Variants in CA10 observed in about 807,000 individuals in gnomAD.
The protein encoded by CA10 is carbonic anhydrase-related protein 10.
A neutral mutation model predicts 44.2 loss-of-function variants in CA10; 14 were observed. The ratio of observed to expected loss-of-function variants is 0.32; its 90% CI spans 0.21 to 0.50. The LOEUF is 0.50. Ranked by LOEUF, CA10 falls within the 20% of genes least tolerant of loss-of-function variation. The pLI, the probability that CA10 is intolerant of heterozygous loss-of-function variation, is 0.99. For synonymous variants in CA10, 159 were observed against 141.6 expected (o/e 1.12, Z -0.87); for missense variants, 350 against 409.7 (o/e 0.85, Z 1.26).
At chr17:52,097,005 T>C (rs1988418111) in intron 1 of CA10, among the ~76,000 whole-genome samples, 1 of 152,208 alleles carries the variant, frequency 6.6e-6, no homozygotes, top group African/African-American at 2.4e-5. Flanking sequence ...TGCTTACAAA[T>C]AAATAGCTGG....
In CA10 at chr17:51,954,559, G is replaced by A. The variant is rs1501269; in HGVS notation, c.137-23427C>T. Among the ~76,000 whole-genome samples the A allele has an allele frequency of 5.7e-3, 861 of 152,206 alleles. 6 individuals are homozygous for A. The highest frequency in any genetic ancestry group is 0.02 in the African/African-American group (817 of 41,526). ...ATAAATAAAAAAGCTAAGGCACTACGTCCTAGAGCTAGTAAAAAAAACCAG... is the reference window on the plus strand; with the variant it reads ...ATAAATAAAAAAGCTAAGGCACTACATCCTAGAGCTAGTAAAAAAAACCAG... On this transcript the variant is annotated intron_variant, in intron 2 of 8. Transcript: ENST00000451037.
intron 3 of CA10, among the ~76,000 whole-genome samples, chr17:51,767,119 C>T (rs986853498): frequency 6.6e-6 from 1 of 152,176 alleles, no homozygotes; most frequent in Non-Finnish European, 1.5e-5. Flanking sequence ...TAAATGTTCT[C>T]TCATTTGATC....
At chr17:51,799,373 G>C (rs2143713911) in intron 3 of CA10, among the ~76,000 whole-genome samples, 1 of 152,226 alleles carries the variant, frequency 6.6e-6, no homozygotes, top group Admixed American at 6.5e-5. Flanking sequence ...AAGTCATCTA[G>C]GCAGCTCTGC....
chr17:51,840,306 G>A (rs553096650), intron 3 of CA10, among the ~76,000 whole-genome samples: 1 of 152,274 alleles, frequency 6.6e-6, no homozygotes, highest in African/African-American at 2.4e-5. Flanking sequence ...TGTTTTTACT[G>A]AGTTTGTTGC....
At chr17:51,946,304 A>C (rs1327067595) in intron 2 of CA10, among the ~76,000 whole-genome samples, 1 of 152,176 alleles carries the variant, frequency 6.6e-6, no homozygotes, top group Non-Finnish European at 1.5e-5. Context: ...AAGTGTTTTC[A>C]CCACAAAAAA....
At chr17:51,813,112 C>T (rs921165792) in intron 3 of CA10, among the ~76,000 whole-genome samples, 1 of 152,148 alleles carries the variant, frequency 6.6e-6, no homozygotes. Context: ...AAAAGAGGGT[C>T]ATAGATAACA....
At chr17:52,159,653 G>A (rs1254129042), upstream of CA10, 1 of 152,246 alleles carries the variant, frequency 6.6e-6, no homozygotes, top group Non-Finnish European at 1.5e-5. Context: ...CAGGGCCCCA[G>A]GGGAAAGTAG....
At chr17:51,669,680 T>A (rs1454496988) in intron 4 of CA10, among the ~76,000 whole-genome samples, 1 of 151,990 alleles carries the variant, frequency 6.6e-6, no homozygotes, top group Non-Finnish European at 1.5e-5. Flanking sequence ...TTAAGAACTG[T>A]AACACTCACT....
chr17:51,633,766 C>A, intron 7 of CA10, 116 bp from the exon 8 acceptor site: 1 of 1,096,040 alleles, frequency 9.1e-7, no homozygotes, highest in Non-Finnish European at 1.3e-6. Flanking sequence ...GAGGAAAGGG[C>A]TGTATAAGCC....
At chr17:52,135,988 CA>C (rs1193717062) in intron 1 of CA10, among the ~76,000 whole-genome samples, 18 of 152,160 alleles carry the variant, frequency 1.2e-4, no homozygotes, top group African/African-American at 4.3e-4. Context: ...TTGTTTCCTC[CA>C]ATAAGCTCTC....
chr17:51,797,544 C>T (rs1008924019), intron 3 of CA10, among the ~76,000 whole-genome samples: 2 of 152,056 alleles, frequency 1.3e-5, no homozygotes, highest in African/African-American at 4.8e-5. Context: ...AAGAGGTAAA[C>T]CCCTCCACTC....
intron 2 of CA10, among the ~76,000 whole-genome samples, chr17:51,963,592 G>C (rs1228533297): frequency 6.6e-6 from 1 of 152,192 alleles, no homozygotes; most frequent in African/African-American, 2.4e-5. Flanking sequence ...TGACAAGTCA[G>C]GAGAGGCTGG....
At chr17:52,132,852 G>A (rs999680623) in intron 1 of CA10, among the ~76,000 whole-genome samples, 52 of 152,248 alleles carry the variant, frequency 3.4e-4, no homozygotes, top group African/African-American at 1.3e-3. Context: ...TCCAGACACA[G>A]GTGACATCTC....
intron 4 of CA10, among the ~76,000 whole-genome samples, chr17:51,674,433 G>A (rs1249706144): frequency 6.6e-6 from 1 of 152,046 alleles, no homozygotes; most frequent in Non-Finnish European, 1.5e-5. Flanking sequence ...GTGTCGCTGT[G>A]GTCTGGATAA....
rs542218720 is a variant in CA10 at position 51,757,029 on chromosome 17, C to T, written c.280-9211G>A. Among the ~76,000 whole-genome samples the T allele has an allele frequency of 6.8e-4, 104 of 152,230 alleles. 2 individuals are homozygous for T. The highest frequency in any genetic ancestry group is 2.4e-3 in the African/African-American group (98 of 41,552). On this transcript the variant is annotated intron_variant, in intron 3 of 8. Transcript: ENST00000451037. ...AGGCCACTCAGTGAAGAAGATTCAA[C>T]GGCCGTGTCATGAATTAGGTGACCT...
intron 4 of CA10, among the ~76,000 whole-genome samples, chr17:51,694,801 T>A (rs1174638125): frequency 6.6e-6 from 1 of 152,202 alleles, no homozygotes; most frequent in East Asian, 1.9e-4. Context: ...TACATTTACA[T>A]CATTAATATA....
At chr17:52,098,096 C>G (rs1004146933) in intron 1 of CA10, among the ~76,000 whole-genome samples, 11 of 152,140 alleles carry the variant, frequency 7.2e-5, no homozygotes, top group African/African-American at 2.7e-4. Context: ...GTGCCCAGAA[C>G]TGCTGTTACA....
intron 4 of CA10, among the ~76,000 whole-genome samples, chr17:51,720,908 A>G (rs1032975067): frequency 2.6e-5 from 4 of 152,244 alleles, no homozygotes; most frequent in Admixed American, 2.0e-4. Flanking sequence ...CATTCTCACC[A>G]TAAAAAAATG....
chr17:51,743,796 C>T, intron 4 of CA10, among the ~76,000 whole-genome samples: 1 of 152,188 alleles, frequency 6.6e-6, no homozygotes. Context: ...CTTGGGTCCT[C>T]TCAAAGGATA....
Sources: gnomAD v4.1 joint callset for allele counts (sites outside exome capture counted in the v4.1 genomes callset) on GRCh38, gnomAD v4.1.1 for gene constraint, MANE v1.5 for transcripts, NCBI Gene and HGNC (gene_info 2026-07-23, HGNC 2026-07-21) for gene names.